The following TRHDE variants were observed in gnomAD, a reference collection of about 807,000 sequenced individuals.
TRHDE encodes the protein thyrotropin releasing hormone degrading enzyme.
TRHDE carries 72 observed loss-of-function variants against 125.7 expected under a neutral mutation model. The observed-to-expected ratio is 0.57, with a 90% CI of 0.47 to 0.70. TRHDE has a LOEUF of 0.70. Among genes scored for constraint, TRHDE ranks in the 30% least tolerant of loss-of-function variants. TRHDE has a pLI of 0.00. For synonymous variants in TRHDE, 509 were observed against 509.1 expected (o/e 1.00, Z 0.00); for missense variants, 1,110 against 1,327.1 (o/e 0.84, Z 2.54).
chr12:72,573,369 A>T (rs889910224), intron 10 of TRHDE, among the ~76,000 whole-genome samples: 1 of 152,022 alleles, frequency 6.6e-6, no homozygotes, highest in African/African-American at 2.4e-5. Context: ...TTTGAAAACT[A>T]TACAATCATA....
intron 2 of TRHDE, among the ~76,000 whole-genome samples, chr12:72,313,954 G>A (rs752706594): frequency 1.3e-5 from 2 of 152,084 alleles, no homozygotes; most frequent in East Asian, 1.9e-4. Context: ...TGTGTGCAGC[G>A]TCCGTTTGCT....
intron 2 of TRHDE, among the ~76,000 whole-genome samples, chr12:72,155,088 CA>C (rs1484999172): frequency 7.2e-5 from 11 of 152,132 alleles, no homozygotes; most frequent in African/African-American, 2.7e-4. Context: ...AGGTTTTGTT[CA>C]TTTCTTTTTA....
At chr12:72,656,820 C>T in intron 17 of TRHDE, 107 bp from the exon 18 acceptor site, 2 of 741,506 alleles carry the variant, frequency 2.7e-6, no homozygotes, top group East Asian at 5.6e-5. Flanking sequence ...CAGTCTCTGA[C>T]AACACTGAGC....
intron 5 of TRHDE, among the ~76,000 whole-genome samples, chr12:72,482,939 G>A (rs1439584292): frequency 7.0e-6 from 1 of 142,644 alleles, no homozygotes; most frequent in Non-Finnish European, 1.5e-5. Context: ...TCTTTAGAGA[G>A]ATGACAGGAC....
chr12:72,311,736 T>C (rs1194647821), intron 2 of TRHDE, among the ~76,000 whole-genome samples: 1 of 152,116 alleles, frequency 6.6e-6, no homozygotes, highest in Non-Finnish European at 1.5e-5. Context: ...TACATTTTGG[T>C]GGATATCCAG....
In TRHDE at chr12:72,185,050, G is replaced by C. The variant is rs540524284; in HGVS notation, n.279+79298G>C. ...CAGGGAGGTCTGGAGGGAGAGGCTT[G>C]AGCGGGAACCGGGGCTGCCTGCGGC... On this transcript the variant is annotated intron_variant and non_coding_transcript_variant, in intron 2 of 4. Transcript: ENST00000548156. 2.6e-5 allele frequency among the ~76,000 whole-genome samples: 4 copies of C among 152,294 alleles called. No individual in the cohort carries two copies. In the East Asian group the frequency reaches 5.8e-4, roughly 22 times the overall value.
intron 6 of TRHDE, among the ~76,000 whole-genome samples, chr12:72,534,484 A>G (rs1202952634): frequency 6.6e-6 from 1 of 152,222 alleles, no homozygotes; most frequent in South Asian, 2.1e-4. Context: ...TGCTCAAAGA[A>G]TGTACGGTCC....
chr12:72,111,978 G>A (rs943287552), intron 2 of TRHDE, among the ~76,000 whole-genome samples: 2 of 151,890 alleles, frequency 1.3e-5, no homozygotes, highest in African/African-American at 2.4e-5. Context: ...TTTGGTTGGG[G>A]GAAAGGAGGT....
chr12:72,609,258 A>G (rs1872555482), intron 12 of TRHDE, among the ~76,000 whole-genome samples: 1 of 152,230 alleles, frequency 6.6e-6, no homozygotes, highest in Admixed American at 6.5e-5. Context: ...TAAAAGCATT[A>G]TGTACAAGGA....
intron 15 of TRHDE, among the ~76,000 whole-genome samples, chr12:72,635,062 C>G (rs1178135332): frequency 6.6e-6 from 1 of 151,328 alleles, no homozygotes; most frequent in Non-Finnish European, 1.5e-5. Flanking sequence ...TTCTAGATCC[C>G]TGAGGAATCG....
chr12:72,531,726 C>T (rs1314763310), intron 6 of TRHDE, among the ~76,000 whole-genome samples: 3 of 151,914 alleles, frequency 2.0e-5, no homozygotes, highest in African/African-American at 7.2e-5. Context: ...ACTGAATTCC[C>T]TGCTCTTATT....
rs544181005 is a variant in TRHDE at position 72,582,171 on chromosome 12, T to A, written c.2321+6629T>A. 5.0e-6 allele frequency: 4 copies of A among 801,584 alleles called. No homozygotes were observed. In the African/African-American group the frequency reaches 7.6e-5, roughly 15 times the overall value. 49.7% of individuals were successfully genotyped at this position (801,584 alleles called of 1,614,324 possible). A position where few individuals can be genotyped will look rare whatever the true frequency, so the allele number is the denominator to read the frequency against. The stretch of plus-strand genomic sequence containing the variant: ...GCAGTCATCAGTAGTGCATAATATA[T>A]GTTTGATGAATATATAAGTTAAAAA... On this transcript the variant is annotated intron_variant, in intron 12 of 18. Coordinates refer to ENST00000261180, the MANE Select transcript of TRHDE (RefSeq NM_013381.3).
rs1180239520 is a variant in TRHDE at position 72,542,290 on chromosome 12, G to A, written c.1723-1G>A. On this transcript the variant is annotated splice_acceptor_variant, in intron 6 of 18. Transcript: ENST00000261180. LOFTEE classifies it high-confidence loss of function. ...GTTCTTTTTATTATTCTTTCCTATA[G>A]GGTGCTGCTTTAATAAGAATGCTGG... 1 of 1,598,714 alleles carries A rather than the reference G, an allele frequency of 6.3e-7. No individual in the cohort carries two copies. Among genetic ancestry groups the A allele is most frequent in the Non-Finnish European group, 8.5e-7 (1 of 1,170,666 alleles).
chr12:72,304,507 T>G (rs1422112578), intron 2 of TRHDE, among the ~76,000 whole-genome samples: 2 of 152,148 alleles, frequency 1.3e-5, no homozygotes, highest in Admixed American at 1.3e-4. Flanking sequence ...GAAATCTGAT[T>G]TGGATTTCTA....
intron 6 of TRHDE, among the ~76,000 whole-genome samples, chr12:72,514,564 G>A (rs575154548): frequency 1.3e-5 from 2 of 151,628 alleles, no homozygotes; most frequent in Admixed American, 6.6e-5. Context: ...ACATAAAGAT[G>A]TATAGAAAAG....
chr12:72,189,070 A>T (rs1478379946), intron 2 of TRHDE, among the ~76,000 whole-genome samples: 1 of 152,266 alleles, frequency 6.6e-6, no homozygotes, highest in Non-Finnish European at 1.5e-5. Context: ...AGGCAGGAAA[A>T]GAAAGAATGA....
intron 2 of TRHDE, among the ~76,000 whole-genome samples, chr12:72,139,734 C>A (rs1876069492): frequency 6.6e-6 from 1 of 152,170 alleles, no homozygotes; most frequent in Non-Finnish European, 1.5e-5. Context: ...AATAAAATTA[C>A]CCTATTGTAA....
At chr12:72,195,274 C>G (rs1877419065) in intron 2 of TRHDE, among the ~76,000 whole-genome samples, 1 of 152,078 alleles carries the variant, frequency 6.6e-6, no homozygotes, top group East Asian at 1.9e-4. Flanking sequence ...AACCAAACCA[C>G]ATCACTGTGT....
At chr12:72,237,220 A>G (rs576038341) in intron 2 of TRHDE, among the ~76,000 whole-genome samples, 2 of 152,366 alleles carry the variant, frequency 1.3e-5, no homozygotes, top group African/African-American at 4.8e-5. Context: ...AACATTCACC[A>G]AAGATAAATT....
Sources: gnomAD v4.1 joint callset for allele counts (sites outside exome capture counted in the v4.1 genomes callset) on GRCh38, gnomAD v4.1.1 for gene constraint, MANE v1.5 for transcripts, NCBI Gene and HGNC (gene_info 2026-07-23, HGNC 2026-07-21) for gene names.